The following NAV2 variants were observed in gnomAD, a reference collection of about 807,000 sequenced individuals.
NAV2 encodes the protein neuron navigator 2.
A neutral mutation model predicts 223.2 loss-of-function variants in NAV2; 54 were observed. That is an observed-to-expected ratio of 0.24 (90% CI 0.19 to 0.30). The LOEUF is 0.30. Among genes scored for constraint, NAV2 ranks in the 10% least tolerant of loss-of-function variants. NAV2 has a pLI of 1.00. For missense variants in NAV2, 2,806 were observed against 3,147.5 expected (o/e 0.89, Z 2.60); for synonymous variants, 1,279 against 1,239.3 (o/e 1.03, Z -0.67).
intron 1 of NAV2, among the ~76,000 whole-genome samples, chr11:19,560,106 TG>T (rs2045044451): frequency 6.6e-6 from 1 of 152,254 alleles, no homozygotes; most frequent in Non-Finnish European, 1.5e-5. Flanking sequence ...ATTAGCTTTT[TG>T]TTGAAGCTGT....
intron 27 of NAV2, 149 bp downstream of exon 27, chr11:20,091,167 A>C: frequency 5.6e-6 from 4 of 719,730 alleles, no homozygotes; most frequent in South Asian, 2.1e-5. Context: ...CCTCCCACAC[A>C]TTGCTCAAAG....
chr11:19,989,412 C>G (rs2051113351), intron 11 of NAV2, among the ~76,000 whole-genome samples: 1 of 152,118 alleles, frequency 6.6e-6, no homozygotes. Flanking sequence ...ACAGATGCTC[C>G]TAGAGCCTCC....
intron 1 of NAV2, among the ~76,000 whole-genome samples, chr11:19,822,319 T>C (rs1253002164): frequency 6.6e-6 from 1 of 152,190 alleles, no homozygotes; most frequent in Non-Finnish European, 1.5e-5. Flanking sequence ...CTCTAAGAAG[T>C]GTTCTCTTAA....
At chr11:19,545,277 G>A (rs900354391) in intron 1 of NAV2, among the ~76,000 whole-genome samples, 7 of 152,228 alleles carry the variant, frequency 4.6e-5, no homozygotes, top group Admixed American at 2.0e-4. Context: ...ACTGCCTCCA[G>A]GGGAGCTTGG....
chr11:19,576,363 G>C lies in NAV2; in HGVS notation c.75+225336G>C, dbSNP rs143637481. ...CAAGCGAACAGATTTCCCATCTGCA[G>C]GGTATTTTGAAACCACTCGCTTCTT... On this transcript the variant is annotated intron_variant, in intron 1 of 37. Coordinates refer to the NAV2 transcript ENST00000360655. Among the ~76,000 whole-genome samples the C allele has an allele frequency of 4.1e-3, 631 of 152,250 alleles. 3 individuals carry two copies. Among genetic ancestry groups the C allele is most frequent in the South Asian group, 6.9e-3 (33 of 4,804 alleles).
At chr11:19,849,694 A>C (rs2061009474) in intron 3 of NAV2, among the ~76,000 whole-genome samples, 1 of 152,188 alleles carries the variant, frequency 6.6e-6, no homozygotes, top group Non-Finnish European at 1.5e-5. Flanking sequence ...GCCTATTTTT[A>C]CACAGCTCTA....
In NAV2 at chr11:19,713,730, C is replaced by A; in HGVS notation, c.35C>A (p.Ser12Ter). 6.3e-7 allele frequency: 1 copy of A among 1,591,592 alleles called. No individual in the cohort carries two copies. Among genetic ancestry groups the A allele is most frequent in the Non-Finnish European group, 8.6e-7 (1 of 1,164,948 alleles). Residue 12 changes from serine to a stop codon, truncating the protein, a stop_gained, in exon 1 of 38, where the codon TCG becomes TAG. Coordinates refer to ENST00000349880, the MANE Select transcript of NAV2 (RefSeq NM_145117.5). LOFTEE classifies it high-confidence loss of function. The surrounding 1 kb of genome is among the most constrained non-coding windows in gnomAD (Gnocchi z 7.2). The part of the protein sequence containing the change: ...PAILVASKMK[S>*]GLPKPVHSAA... ...ATCCTGGTCGCCTCCAAAATGAAGT[C>A]GGGACTGCCCAAACCCGTGCACAGC... is the stretch of plus-strand genomic sequence containing the variant.
chr11:19,713,911 G>A lies in NAV2; in HGVS notation c.216G>A (p.Glu72=), dbSNP rs777324563. 6 of 1,613,596 alleles carry A rather than the reference G, an allele frequency of 3.7e-6. No homozygotes were observed. Among genetic ancestry groups the A allele is most frequent in the Non-Finnish European group, 5.1e-6 (6 of 1,179,978 alleles). Residue 72 remains glutamate (E), a synonymous_variant, in exon 1 of 38, where the codon GAG becomes GAA. Transcript: ENST00000349880. The surrounding 1 kb of genome is among the most constrained non-coding windows in gnomAD (Gnocchi z 7.2). ...AGGGGCTGCAGGAGCCAGCGGGGGAGGGGCTCCCGCTGCGGAAGAGCGGCT... is the reference window on the plus strand; with the variant it reads ...AGGGGCTGCAGGAGCCAGCGGGGGAAGGGCTCCCGCTGCGGAAGAGCGGCT... ...VLQGLQEPAG[E]GLPLRKSGSV...
At chr11:19,515,635 C>T (rs965594965) in intron 1 of NAV2, among the ~76,000 whole-genome samples, 5 of 152,150 alleles carry the variant, frequency 3.3e-5, no homozygotes, top group African/African-American at 1.2e-4. Flanking sequence ...AATAGTTTGA[C>T]AACCCAGAGT....
At chr11:20,027,915 A>G (rs965491963) in intron 11 of NAV2, among the ~76,000 whole-genome samples, 3 of 152,226 alleles carry the variant, frequency 2.0e-5, no homozygotes, top group African/African-American at 4.8e-5. Flanking sequence ...CTGTTTAATC[A>G]TCCCTGGAAC....
In NAV2 at chr11:19,567,915, G is replaced by A. The variant is rs190839836; in HGVS notation, c.75+216888G>A. On this transcript the variant is annotated intron_variant, in intron 1 of 37. Transcript: ENST00000360655. ...TACACCCTGCCTCATGCCCAGTCAG[G>A]GGCTCTGTGTACCCTCGCATCCTAA... 1.9e-4 allele frequency among the ~76,000 whole-genome samples: 29 copies of A among 152,168 alleles called. No homozygotes were observed. In the East Asian group the frequency reaches 3.7e-3, roughly 19 times the overall value.
intron 1 of NAV2, among the ~76,000 whole-genome samples, chr11:19,830,417 G>T (rs2059868067): frequency 6.6e-6 from 1 of 152,136 alleles, no homozygotes; most frequent in African/African-American, 2.4e-5. Context: ...TCAAATCCTG[G>T]CTCTGCCACT....
chr11:20,019,704 G>A (rs2054325952), intron 11 of NAV2, among the ~76,000 whole-genome samples: 1 of 152,056 alleles, frequency 6.6e-6, no homozygotes, highest in Admixed American at 6.6e-5. Flanking sequence ...AGCGCAGTTA[G>A]GGAGGTAGGA....
intron 1 of NAV2, among the ~76,000 whole-genome samples, chr11:19,498,777 C>A (rs1278401327): frequency 6.6e-6 from 1 of 152,176 alleles, no homozygotes; most frequent in African/African-American, 2.4e-5. Context: ...AAGCTTAGGT[C>A]CTTGCTCTGA....
intron 37 of NAV2, among the ~76,000 whole-genome samples, chr11:20,117,651 T>C (rs4757036): frequency 0.85 from 129,042 of 151,988 alleles, 55,301 homozygotes; most frequent in South Asian, 0.94. Flanking sequence ...TGATGCTTGT[T>C]GAAGTGGGAG....
chr11:19,582,448 T>G (rs1165966900), intron 1 of NAV2, among the ~76,000 whole-genome samples: 2 of 152,236 alleles, frequency 1.3e-5, no homozygotes, highest in Non-Finnish European at 2.9e-5. Context: ...CCCATGCTTA[T>G]GTCCTGAATG....
Position 20,090,884 on chromosome 11 carries a change from A to G in NAV2, c.5518A>G (p.Ser1840Gly), listed in dbSNP as rs780830928. 5.0e-6 allele frequency: 8 copies of G among 1,614,040 alleles called. No homozygotes were observed. In the South Asian group the frequency reaches 8.8e-5, roughly 18 times the overall value. ...SNSLISECMDSEAETVMQLRN... is the reference protein window; with the variant it reads ...SNSLISECMDGEAETVMQLRN... The stretch of plus-strand genomic sequence containing the variant: ...CCCTAGAATTTCAGAATGCATGGAT[A>G]GTGAAGCTGAGACCGTCATGCAGCT... The change falls in exon 27 of 38, where the codon AGT becomes GGT. Residue 1840 changes from serine to glycine, a missense_variant. This residue lies in a region of NAV2 where 824 missense variants were observed against 1,069.4 expected (regional missense o/e 0.77). Transcript: ENST00000349880.
chr11:19,431,565 T>A (rs920755655), intron 1 of NAV2, among the ~76,000 whole-genome samples: 12 of 152,206 alleles, frequency 7.9e-5, no homozygotes, highest in Admixed American at 3.9e-4. Flanking sequence ...AAAGTGAGGT[T>A]GGGGCTGGGT....
chr11:19,390,466 T>C (rs951719838), intron 1 of NAV2, among the ~76,000 whole-genome samples: 6 of 152,174 alleles, frequency 3.9e-5, no homozygotes, highest in African/African-American at 1.4e-4. Flanking sequence ...TCCTATTATG[T>C]GCTAGCCCTT....
Sources: gnomAD v4.1 joint callset for allele counts (sites outside exome capture counted in the v4.1 genomes callset) on GRCh38, gnomAD v4.1.1 for gene constraint, gnomAD v4.1.1 regional missense constraint, Gnocchi (gnomAD v3.1) non-coding constraint, MANE v1.5 for transcripts, NCBI Gene and HGNC (gene_info 2026-07-23, HGNC 2026-07-21) for gene names.